Variants in TRIM14 observed in about 807,000 individuals in gnomAD.
The protein encoded by TRIM14 is tripartite motif containing 14.
A neutral mutation model predicts 44.5 loss-of-function variants in TRIM14; 28 were observed. That is an observed-to-expected ratio of 0.63 (90% CI 0.47 to 0.86). The LOEUF (loss-of-function observed/expected upper bound fraction) is 0.86. Ranked by LOEUF, TRIM14 falls within the 40% of genes least tolerant of loss-of-function variation. The pLI is 0.00. For synonymous variants in TRIM14, 299 were observed against 269.2 expected, an observed-to-expected ratio of 1.11 and a Z score of -1.08; for missense variants, 607 against 611.1, an observed-to-expected ratio of 0.99 and a Z score of 0.07.
chr9:98,107,507 G>A (rs1240540633), intron 2 of TRIM14, among the ~76,000 whole-genome samples: 1 of 152,218 alleles, frequency 6.6e-6, no homozygotes, highest in Non-Finnish European at 1.5e-5. Context: ...AACTTGGGTG[G>A]ATCCCAAGGG....
chr9:98,083,122 C>G (rs1053967337), downstream of TRIM14: 1 of 1,494,836 alleles, frequency 6.7e-7, no homozygotes, highest in Non-Finnish European at 9.2e-7. Context: ...TTGAGTGAGG[C>G]GAGGGCAGGA....
intron 6 of TRIM14, chr9:98,078,158 G>C (rs374277406): frequency 3.3e-5 from 54 of 1,613,780 alleles, no homozygotes; most frequent in Admixed American, 5.0e-5. Flanking sequence ...CCTCTAAAGA[G>C]AAAGTGCTGA....
chr9:98,053,638 T>TACAC, the TRIM14 span, among the ~76,000 whole-genome samples: 1,550 of 150,674 alleles, frequency 0.01, 20 homozygotes, highest in African/African-American at 0.033. Context: ...ATGTTTAACA[T>TACAC]ACACACACAC....
At chr9:98,092,543 C>A in intron 4 of TRIM14, 2 of 422,366 alleles carry the variant, frequency 4.7e-6, no homozygotes, top group Non-Finnish European at 9.6e-6. Flanking sequence ...GCACTCATCA[C>A]AGGGGCCTGT....
At chr9:98,116,535 GC>G (rs1827059161) in intron 1 of TRIM14, among the ~76,000 whole-genome samples, 1 of 151,910 alleles carries the variant, frequency 6.6e-6, no homozygotes, top group Admixed American at 6.6e-5. Context: ...TAGCTGTAAG[GC>G]TTTTAAAAGT....
At chr9:98,045,544 G>A in the TRIM14 span, among the ~76,000 whole-genome samples, 6 of 152,180 alleles carry the variant, frequency 3.9e-5, no homozygotes, top group South Asian at 2.1e-4. Flanking sequence ...CCTCACTTCC[G>A]TTTTCTGTAC....
At chr9:98,077,995 G>T in intron 6 of TRIM14, 1 of 666,852 alleles carries the variant, frequency 1.5e-6, no homozygotes. Flanking sequence ...TCGGGGGGCA[G>T]AGGGGAGCCC....
In TRIM14 at chr9:98,113,113, CAAAAAAAAAAAAA is replaced by C. The variant is rs57908629; in HGVS notation, c.208-3142_208-3130del. ...GGGCAACAAGAGCGAAACTCCATCT[CAAAAAAAAAAAAA>C]AAAAAAAAAAAGAAGGAATTTTTTA... On this transcript the variant is annotated intron_variant, in intron 1 of 5. Coordinates refer to ENST00000341469, the MANE Select transcript of TRIM14 (RefSeq NM_014788.4). 7.9e-4 allele frequency among the ~76,000 whole-genome samples: 31 copies of C among 39,268 alleles called. No individual in the cohort carries two copies. In the South Asian group the frequency reaches 0.025, roughly 32 times the overall value. 25.8% of individuals were successfully genotyped at this position (39,268 alleles called of 152,430 possible). A position where few individuals can be genotyped will look rare whatever the true frequency, so the allele number is the denominator to read the frequency against.
At chr9:98,079,269 A>T (rs1013148808) in intron 6 of TRIM14, among the ~76,000 whole-genome samples, 51 of 152,302 alleles carry the variant, frequency 3.3e-4, no homozygotes, top group African/African-American at 1.1e-3. Context: ...GTAGCACTGG[A>T]AATTTAACTT....
chr9:98,118,679 G>A (rs904614116), intron 1 of TRIM14, among the ~76,000 whole-genome samples: 7 of 152,208 alleles, frequency 4.6e-5, no homozygotes, highest in Non-Finnish European at 8.8e-5. Flanking sequence ...GCAGTGTGGC[G>A]GATCGGCCAT....
chr9:98,105,551 C>T (rs1826577481), intron 2 of TRIM14, among the ~76,000 whole-genome samples: 1 of 152,182 alleles, frequency 6.6e-6, no homozygotes, highest in Admixed American at 6.5e-5. Context: ...TGTGCTCTAG[C>T]CTTGGCAACA....
At chr9:98,054,258 A>G in the TRIM14 span, among the ~76,000 whole-genome samples, 2 of 152,150 alleles carry the variant, frequency 1.3e-5, no homozygotes, top group Admixed American at 1.3e-4. Context: ...ACACACACAC[A>G]AAGACAAGAC....
downstream of TRIM14, among the ~76,000 whole-genome samples, chr9:98,083,953 T>C (rs1192087528): frequency 1.3e-5 from 2 of 152,172 alleles, no homozygotes; most frequent in Non-Finnish European, 2.9e-5. Context: ...TCAGAAGCAG[T>C]GAATGCCCCA....
At chr9:98,082,557 G>A (rs565879475), downstream of TRIM14, among the ~76,000 whole-genome samples, 9 of 152,358 alleles carry the variant, frequency 5.9e-5, no homozygotes, top group Non-Finnish European at 1.2e-4. Flanking sequence ...AAACTAAAAC[G>A]TGGCCTATAC....
intron 4 of TRIM14, among the ~76,000 whole-genome samples, chr9:98,093,664 G>A (rs1290682229): frequency 6.6e-6 from 1 of 152,028 alleles, no homozygotes; most frequent in Non-Finnish European, 1.5e-5. Context: ...CCTTCTCAGA[G>A]GCCATCCCAA....
chr9:98,106,856 C>T (rs1293163975), intron 2 of TRIM14, among the ~76,000 whole-genome samples: 3 of 143,162 alleles, frequency 2.1e-5, no homozygotes, highest in African/African-American at 5.2e-5. Flanking sequence ...GACATGGTCT[C>T]GCTCTGTCAC....
chr9:98,117,868 A>G (rs540855953), intron 1 of TRIM14, among the ~76,000 whole-genome samples: 2 of 152,330 alleles, frequency 1.3e-5, no homozygotes, highest in African/African-American at 4.8e-5. Context: ...ATCTGTGGAA[A>G]GCAGCCTTGT....
chr9:98,080,318 A>C (rs1038436190), downstream of TRIM14, among the ~76,000 whole-genome samples: 3 of 152,260 alleles, frequency 2.0e-5, no homozygotes, highest in Non-Finnish European at 2.9e-5. Flanking sequence ...CACCCATCTT[A>C]GAGTGTCTTT....
intron 2 of TRIM14, among the ~76,000 whole-genome samples, chr9:98,100,806 T>C (rs1298436351): frequency 2.0e-5 from 3 of 152,100 alleles, no homozygotes; most frequent in Admixed American, 2.0e-4. Context: ...TTTTTGTATT[T>C]TTTGTACTAA....
Sources: allele counts gnomAD v4.1 joint callset (sites outside exome capture counted in the v4.1 genomes callset), GRCh38; gene constraint gnomAD v4.1.1; transcripts MANE v1.5; gene names NCBI Gene and HGNC (gene_info 2026-07-23, HGNC 2026-07-21).